Variants in OPRM1 observed in about 807,000 individuals in gnomAD.
OPRM1 encodes the protein mu-type opioid receptor.
OPRM1 carries 27 observed loss-of-function variants against 31.8 expected under a neutral mutation model. That is an observed-to-expected ratio of 0.85 (90% confidence interval 0.63 to 1.17). OPRM1 has a LOEUF of 1.17. OPRM1 is among the 50% of genes most tolerant of loss of function. The pLI, the probability that OPRM1 is intolerant of heterozygous loss-of-function variation, is 0.00. For synonymous variants in OPRM1, 196 were observed against 189.9 expected (o/e 1.03, Z -0.26); for missense variants, 536 against 511.1 (o/e 1.05, Z -0.47).
At chr6:154,246,689 A>G (rs749649397) in intron 3 of OPRM1, 7 of 1,613,960 alleles carry the variant, frequency 4.3e-6, no homozygotes, top group Non-Finnish European at 5.1e-6. Flanking sequence ...TTTTTCTTAT[A>G]CAGCCACCCT....
chr6:154,204,209 A>G (rs1223979222), intron 3 of OPRM1, among the ~76,000 whole-genome samples: 1 of 152,208 alleles, frequency 6.6e-6, no homozygotes, highest in Non-Finnish European at 1.5e-5. Context: ...AGCATCATTC[A>G]AATGTTAGCC....
chr6:154,192,092 T>G (rs930922970), intron 3 of OPRM1, among the ~76,000 whole-genome samples: 1 of 152,238 alleles, frequency 6.6e-6, no homozygotes, highest in Non-Finnish European at 1.5e-5. Context: ...AAAGGGTTTC[T>G]GCATTATGCC....
At chr6:154,142,410 GA>G (rs1798241942) in intron 3 of OPRM1, among the ~76,000 whole-genome samples, 1 of 148,026 alleles carries the variant, frequency 6.8e-6, no homozygotes, top group Middle Eastern at 3.3e-3. Flanking sequence ...ACCTTCTGGG[GA>G]CATTCCACCA....
Position 154,026,785 on chromosome 6 carries a change from T to A in OPRM1, c.1-12376T>A, listed in dbSNP as rs1268522143. Among the ~76,000 whole-genome samples the A allele has an allele frequency of 2.0e-5, 3 of 152,188 alleles. No homozygotes were observed. The East Asian group carries it at 5.8e-4, about 29-fold the overall frequency. On this transcript the variant is annotated intron_variant, in intron 1 of 5. Transcript: ENST00000434900. ...CAGTTGCATTTTTCATCTCTATAAT[T>A]TCTGTTTTATTATTTTTAATTATTT...
At chr6:154,025,995 A>C (rs990068288) in intron 1 of OPRM1, among the ~76,000 whole-genome samples, 2 of 152,016 alleles carry the variant, frequency 1.3e-5, no homozygotes, top group African/African-American at 4.8e-5. Context: ...TAATGTTATA[A>C]TATTCTGTGG....
At chr6:154,194,860 A>G (rs1289754271) in intron 3 of OPRM1, among the ~76,000 whole-genome samples, 5 of 152,204 alleles carry the variant, frequency 3.3e-5, no homozygotes, top group Non-Finnish European at 7.3e-5. Flanking sequence ...GATCAATGCC[A>G]TTGATGCCAA....
At chr6:154,198,670 T>C (rs1776827367) in intron 3 of OPRM1, among the ~76,000 whole-genome samples, 2 of 121,038 alleles carry the variant, frequency 1.7e-5, no homozygotes, top group South Asian at 5.4e-4. Context: ...ACACAACTTG[T>C]TCTGCAGTTG....
At chr6:154,094,132 A>G in intron 3 of OPRM1, 2 of 812,990 alleles carry the variant, frequency 2.5e-6, no homozygotes, top group South Asian at 1.4e-5. Context: ...TGCCTTATGT[A>G]TTTGTACTTT....
In OPRM1 at chr6:154,010,752, C is replaced by A. The variant is rs1043536217; in HGVS notation, c.-267C>A. The A allele has an allele frequency of 3.5e-6, 5 of 1,421,760 alleles. No homozygotes were observed. In the African/African-American group the frequency reaches 5.8e-5, roughly 16 times the overall value. The allele number at this position is 1,421,760 out of a possible 1,614,324, so 88.1% of individuals were successfully genotyped here. ...CTTTGCCTGCATGAATTGCCCCTTT[C>A]TCCTACAAACAAGAGAATTCGGTCA... On this transcript the variant is annotated 5_prime_UTR_variant, in exon 1 of 6. Transcript: ENST00000434900.
intron 3 of OPRM1, among the ~76,000 whole-genome samples, chr6:154,229,655 A>T (rs1431920832): frequency 1.3e-5 from 2 of 152,076 alleles, no homozygotes; most frequent in Non-Finnish European, 2.9e-5. Context: ...CGTGCCCAGC[A>T]GTTTGTCAGT....
At chr6:154,023,924 T>C (rs1778534879) in intron 1 of OPRM1, among the ~76,000 whole-genome samples, 1 of 152,086 alleles carries the variant, frequency 6.6e-6, no homozygotes, top group Admixed American at 6.5e-5. Context: ...TTTTAATATA[T>C]TGTTGAATTC....
At chr6:154,152,319 G>GAAAAGA (rs1459199060) in intron 3 of OPRM1, among the ~76,000 whole-genome samples, 2 of 41,002 alleles carry the variant, frequency 4.9e-5, no homozygotes, top group African/African-American at 7.7e-5. Context: ...AAGAAAGAAA[G>GAAAAGA]AAAGAAAGAA....
chr6:154,142,175 A>G (rs1272786437), intron 3 of OPRM1, among the ~76,000 whole-genome samples: 3 of 53,256 alleles, frequency 5.6e-5, no homozygotes, highest in African/African-American at 1.9e-4. Flanking sequence ...TGAGCAGGGC[A>G]GGACAGGACT....
intron 1 of OPRM1, among the ~76,000 whole-genome samples, chr6:154,067,394 T>C (rs1313651661): frequency 6.6e-6 from 1 of 151,962 alleles, no homozygotes; most frequent in Admixed American, 6.6e-5. Flanking sequence ...CTTGTGATTT[T>C]TCTCTTTGAA....
chr6:154,182,672 T>C (rs1228866001), intron 3 of OPRM1, among the ~76,000 whole-genome samples: 4 of 152,138 alleles, frequency 2.6e-5, no homozygotes, highest in African/African-American at 9.7e-5. Context: ...ATCAGTTGAA[T>C]GAGAACAAAA....
chr6:154,169,284 C>G (rs545841394), intron 3 of OPRM1, among the ~76,000 whole-genome samples: 1 of 152,142 alleles, frequency 6.6e-6, no homozygotes, highest in Non-Finnish European at 1.5e-5. Context: ...TCACTTGAGC[C>G]TGGGAGGTGG....
chr6:154,147,264 T>C (rs1798382997), intron 3 of OPRM1, among the ~76,000 whole-genome samples: 1 of 152,206 alleles, frequency 6.6e-6, no homozygotes, highest in Non-Finnish European at 1.5e-5. Context: ...CCATCTCTTC[T>C]CTCGCTCATG....
At chr6:154,085,022 G>A (rs1583445593) in intron 1 of OPRM1, among the ~76,000 whole-genome samples, 2 of 151,612 alleles carry the variant, frequency 1.3e-5, no homozygotes, top group South Asian at 2.1e-4. Context: ...ACTGAGACAC[G>A]ATCACCACAA....
chr6:154,160,249 A>G (rs1309270189), intron 3 of OPRM1, among the ~76,000 whole-genome samples: 3 of 152,248 alleles, frequency 2.0e-5, no homozygotes, highest in Non-Finnish European at 2.9e-5. Context: ...ATCCTACCCA[A>G]GAGTTAGTGG....
Sources: allele counts gnomAD v4.1 joint callset (sites outside exome capture counted in the v4.1 genomes callset), GRCh38; gene constraint gnomAD v4.1.1; transcripts MANE v1.5; gene names NCBI Gene and HGNC (gene_info 2026-07-23, HGNC 2026-07-21).